The following GRIA3 variants were observed in gnomAD, a reference collection of about 807,000 sequenced individuals.
The protein encoded by GRIA3 is glutamate receptor 3.
Under a neutral mutation model 63.0 loss-of-function variants are expected in GRIA3, and 3 were observed. The ratio of observed to expected loss-of-function variants is 0.05; its 90% CI spans 0.02 to 0.12. GRIA3 has a LOEUF of 0.12. Among genes scored for constraint, GRIA3 ranks in the 10% least tolerant of loss-of-function variants. The pLI is 1.00. For synonymous variants in GRIA3, 274 were observed against 257.9 expected, an observed-to-expected ratio of 1.06 and a Z score of -0.60; for missense variants, 347 against 700.9, an observed-to-expected ratio of 0.50 and a Z score of 5.70.
chrX:123,449,523 T>C (rs1386641734), intron 12 of GRIA3, among the ~76,000 whole-genome samples: 4 of 111,678 alleles, frequency 3.6e-5, no homozygotes, highest in African/African-American at 6.5e-5. Flanking sequence ...AGAAAATCAA[T>C]TTTCCTGCAG....
intron 3 of GRIA3, among the ~76,000 whole-genome samples, chrX:123,261,309 A>G (rs1447637609): frequency 1.8e-5 from 2 of 111,765 alleles, no homozygotes; most frequent in Non-Finnish European, 3.8e-5. Context: ...AAATACTGTC[A>G]TATTTTACAG....
chrX:123,342,282 T>G (rs950113646), intron 4 of GRIA3, among the ~76,000 whole-genome samples: 1 of 112,082 alleles, frequency 8.9e-6, no homozygotes, highest in Non-Finnish European at 1.9e-5. Flanking sequence ...AAAGAACAAT[T>G]AAGATCCATC....
chrX:123,379,807 C>T (rs1205874376), intron 5 of GRIA3, among the ~76,000 whole-genome samples: 2 of 80,423 alleles, frequency 2.5e-5, no homozygotes, highest in African/African-American at 9.3e-5. Context: ...CCCCACCCCA[C>T]AACAGGCCCC....
At chrX:123,436,375 T>C (rs2045644319) in intron 12 of GRIA3, among the ~76,000 whole-genome samples, 1 of 111,732 alleles carries the variant, frequency 8.9e-6, no homozygotes, top group African/African-American at 3.3e-5. Flanking sequence ...TTCAATATTT[T>C]CCCCATCCTC....
chrX:123,468,121 T>A (rs1202874436), intron 13 of GRIA3, among the ~76,000 whole-genome samples: 1 of 111,917 alleles, frequency 8.9e-6, no homozygotes, highest in Non-Finnish European at 1.9e-5. Flanking sequence ...GATAATAGTA[T>A]GATCGATCAG....
chrX:123,368,643 C>T (rs2045228657), intron 5 of GRIA3, among the ~76,000 whole-genome samples: 1 of 110,718 alleles, frequency 9.0e-6, no homozygotes, highest in Admixed American at 9.7e-5. Flanking sequence ...TTACCCCCAC[C>T]CTTTCCCTTT....
At chrX:123,354,868 C>T in intron 4 of GRIA3, 42 bp from the exon 5 acceptor site, 8 of 1,025,263 alleles carry the variant, frequency 7.8e-6, no homozygotes, top group Non-Finnish European at 9.7e-6. Flanking sequence ...TTGAAAATGT[C>T]CTTCTTGAAT....
At chrX:123,190,508 CA>C (rs1347627867) in intron 2 of GRIA3, among the ~76,000 whole-genome samples, 1 of 111,379 alleles carries the variant, frequency 9.0e-6, no homozygotes, top group East Asian at 2.8e-4. Context: ...AAATAGATGG[CA>C]ATCAGCAGGC....
At chrX:123,255,289 C>T (rs1337310468) in intron 3 of GRIA3, among the ~76,000 whole-genome samples, 7 of 111,621 alleles carry the variant, frequency 6.3e-5, no homozygotes, top group Non-Finnish European at 1.1e-4. Context: ...AGAGAACAAA[C>T]AAACAGCAGG....
At chrX:123,466,358 G>A (rs1279682937) in intron 13 of GRIA3, among the ~76,000 whole-genome samples, 4 of 111,607 alleles carry the variant, frequency 3.6e-5, no homozygotes, top group Non-Finnish European at 7.5e-5. Flanking sequence ...AAGTTAAATG[G>A]GGTCTTTCTT....
At chrX:123,236,806 A>G (rs1228678390) in intron 2 of GRIA3, among the ~76,000 whole-genome samples, 1 of 111,982 alleles carries the variant, frequency 8.9e-6, no homozygotes, top group Admixed American at 9.5e-5. Context: ...GAACAAATTT[A>G]TGTCATCAGC....
intron 2 of GRIA3, among the ~76,000 whole-genome samples, chrX:123,244,638 T>C (rs2044348029): frequency 8.9e-6 from 1 of 112,617 alleles, no homozygotes; most frequent in Admixed American, 9.4e-5. Context: ...GGAGATGAGC[T>C]ATGTTGCCCT....
chrX:123,303,332 C>T (rs780240867), intron 3 of GRIA3, among the ~76,000 whole-genome samples: 9 of 110,482 alleles, frequency 8.1e-5, no homozygotes, highest in Non-Finnish European at 3.8e-5. Flanking sequence ...AGAACACTTC[C>T]GAAGAACATT....
intron 10 of GRIA3, among the ~76,000 whole-genome samples, chrX:123,410,746 A>T (rs190352889): frequency 1.8e-5 from 2 of 111,616 alleles, no homozygotes; most frequent in East Asian, 5.7e-4. Context: ...GATGCATGTA[A>T]CCTCCAGGAA....
chrX:123,348,086 G>A (rs922921433), intron 4 of GRIA3, among the ~76,000 whole-genome samples: 2 of 111,513 alleles, frequency 1.8e-5, no homozygotes, highest in Non-Finnish European at 3.8e-5. Context: ...GAGTTCACTG[G>A]CACTCTCAAG....
At chrX:123,483,894 T>C (rs1440455016) in intron 15 of GRIA3, among the ~76,000 whole-genome samples, 3 of 109,068 alleles carry the variant, frequency 2.8e-5, no homozygotes, top group Non-Finnish European at 5.7e-5. Context: ...ATAGTGCCAC[T>C]GCACTCCAGC....
intron 3 of GRIA3, 70 bp downstream of exon 3, chrX:123,253,612 G>A (rs2044403140): frequency 2.2e-6 from 2 of 892,177 alleles, no homozygotes; most frequent in Non-Finnish European, 3.3e-6. Context: ...CAGCTTATGT[G>A]CCCTTTGCTT....
intron 4 of GRIA3, among the ~76,000 whole-genome samples, chrX:123,353,939 T>C (rs2147349636): frequency 9.0e-6 from 1 of 111,666 alleles, no homozygotes; most frequent in South Asian, 3.8e-4. Flanking sequence ...AATTATTTAG[T>C]CAAAAACTTC....
At chrX:123,281,174 G>C (rs183399037) in intron 3 of GRIA3, among the ~76,000 whole-genome samples, 1 of 111,748 alleles carries the variant, frequency 8.9e-6, no homozygotes, top group Admixed American at 9.5e-5. Context: ...GTAGCACTCA[G>C]AATAGCTTAG....
Sources: gnomAD v4.1 joint callset for allele counts (sites outside exome capture counted in the v4.1 genomes callset) on GRCh38, gnomAD v4.1.1 for gene constraint, MANE v1.5 for transcripts, NCBI Gene and HGNC (gene_info 2026-07-23, HGNC 2026-07-21) for gene names.